The following DYM variants were observed in gnomAD, a reference collection of about 807,000 sequenced individuals.
DYM encodes dyggve-Melchior-Clausen syndrome protein.
DYM carries 78 observed loss-of-function variants against 93.1 expected under a neutral mutation model. The ratio of observed to expected loss-of-function variants is 0.84; its 90% CI spans 0.70 to 1.01. The LOEUF (loss-of-function observed/expected upper bound fraction) is 1.01, where lower values mean the gene tolerates loss of function less well. DYM is among the 50% of genes least tolerant of loss of function. The probability of loss-of-function intolerance (pLI) is 0.00; values close to 1 mark genes in which losing one functional copy is unlikely to be tolerated. For synonymous variants in DYM, 321 were observed against 319.7 expected, an observed-to-expected ratio of 1.00 and a Z score of -0.04; for missense variants, 789 against 845.0, an observed-to-expected ratio of 0.93 and a Z score of 0.82.
At chr18:49,346,646 T>C (rs1315926661) in intron 6 of DYM, among the ~76,000 whole-genome samples, 1 of 152,210 alleles carries the variant, frequency 6.6e-6, no homozygotes, top group African/African-American at 2.4e-5. Context: ...ATTTAAAATA[T>C]ACCTCAATGA....
intron 2 of DYM, among the ~76,000 whole-genome samples, chr18:49,410,433 G>A (rs1294804500): frequency 6.7e-6 from 1 of 150,288 alleles, no homozygotes; most frequent in Non-Finnish European, 1.5e-5. Flanking sequence ...AGGGATTAAG[G>A]TTAAAAAAAA....
At chr18:49,112,801 C>T (rs1008001433) in intron 16 of DYM, among the ~76,000 whole-genome samples, 1 of 152,160 alleles carries the variant, frequency 6.6e-6, no homozygotes, top group African/African-American at 2.4e-5. Context: ...GTTCACTCCA[C>T]CTTCCCAGCC....
chr18:49,448,548 T>TTG (rs2148675137), intron 1 of DYM, among the ~76,000 whole-genome samples: 1 of 152,314 alleles, frequency 6.6e-6, no homozygotes, highest in South Asian at 2.1e-4. Context: ...CTAGCCCCAG[T>TTG]GACTTAGTTC....
At chr18:49,123,701 C>A (rs1355999087) in intron 15 of DYM, among the ~76,000 whole-genome samples, 1 of 152,104 alleles carries the variant, frequency 6.6e-6, no homozygotes, top group Non-Finnish European at 1.5e-5. Flanking sequence ...TTTTATGATT[C>A]ATCTATTATT....
At chr18:49,221,627 A>T (rs1440034598) in intron 13 of DYM, among the ~76,000 whole-genome samples, 1 of 152,216 alleles carries the variant, frequency 6.6e-6, no homozygotes, top group Non-Finnish European at 1.5e-5. Flanking sequence ...GAAACTGGAA[A>T]TCATCATTCT....
At chr18:49,366,294 T>C (rs891344976) in intron 5 of DYM, among the ~76,000 whole-genome samples, 1 of 152,194 alleles carries the variant, frequency 6.6e-6, no homozygotes, top group Non-Finnish European at 1.5e-5. Context: ...AAAATAAATA[T>C]AAACTCACCT....
rs1251050861 is a variant in DYM, at chr18:49,037,952, G to A, written c.*6103C>T. ...TGATTCTCCTGCCTCAGCTTCCCAA[G>A]TAGCTGGGGCTATAGGCACATGCCA... is the stretch of plus-strand genomic sequence containing the variant. On this transcript the variant is annotated 3_prime_UTR_variant, in exon 18 of 18. Transcript: ENST00000675505. 6.6e-6 allele frequency among the ~76,000 whole-genome samples: 1 copy of A among 152,158 alleles called. No homozygotes were observed. The highest frequency in any genetic ancestry group is 1.5e-5 in the Non-Finnish European group (1 of 68,028).
At chr18:49,329,100 A>G (rs983107657) in intron 8 of DYM, among the ~76,000 whole-genome samples, 2 of 152,174 alleles carry the variant, frequency 1.3e-5, no homozygotes, top group African/African-American at 2.4e-5. Flanking sequence ...AATACTCTGC[A>G]GCCATAAAAA....
chr18:49,141,216 G>T (rs1032767299), intron 15 of DYM, among the ~76,000 whole-genome samples: 2 of 152,114 alleles, frequency 1.3e-5, no homozygotes, highest in Non-Finnish European at 2.9e-5. Context: ...TTCCTCTTGA[G>T]TTCCAAGCCA....
intron 17 of DYM, among the ~76,000 whole-genome samples, chr18:49,065,952 A>G (rs916745471): frequency 5.3e-5 from 8 of 151,984 alleles, no homozygotes; most frequent in Admixed American, 3.9e-4. Context: ...TCCCTTTAAC[A>G]TTTCTATCAC....
intron 17 of DYM, among the ~76,000 whole-genome samples, chr18:49,062,322 A>G (rs2144668090): frequency 6.6e-6 from 1 of 152,320 alleles, no homozygotes; most frequent in South Asian, 2.1e-4. Flanking sequence ...ACTGTCACCA[A>G]CGATTAACTT....
intron 2 of DYM, among the ~76,000 whole-genome samples, chr18:49,403,412 TATG>T (rs1212677464): frequency 6.6e-6 from 1 of 152,208 alleles, no homozygotes; most frequent in East Asian, 1.9e-4. Flanking sequence ...CTTACATTTG[TATG>T]ATGTTTTATA....
intron 17 of DYM, among the ~76,000 whole-genome samples, chr18:49,046,539 C>T: frequency 6.7e-6 from 1 of 150,214 alleles, no homozygotes; most frequent in East Asian, 1.9e-4. Context: ...ACCAGACACA[C>T]AGACACAACA....
intron 1 of DYM, among the ~76,000 whole-genome samples, chr18:49,450,324 C>A (rs1016868131): frequency 2.6e-5 from 4 of 152,140 alleles, no homozygotes; most frequent in Admixed American, 1.3e-4. Context: ...GGTGAACTTT[C>A]CTATGAGGTT....
intron 14 of DYM, chr18:49,206,019 CG>C (rs1297496705): frequency 2.5e-5 from 1 of 40,052 alleles, no homozygotes; most frequent in African/African-American, 6.6e-5. Flanking sequence ...TTGTTTTTTG[CG>C]GAGTCTTGCT....
chr18:49,200,916 T>G (rs2091936334), intron 14 of DYM, among the ~76,000 whole-genome samples: 1 of 152,310 alleles, frequency 6.6e-6, no homozygotes, highest in South Asian at 2.1e-4. Context: ...ACATTGTTAT[T>G]AACAATAATC....
intron 11 of DYM, among the ~76,000 whole-genome samples, chr18:49,259,597 G>A (rs1043523704): frequency 1.3e-5 from 2 of 152,042 alleles, no homozygotes; most frequent in African/African-American, 4.8e-5. Flanking sequence ...AAAGATAACT[G>A]GAAATAATAA....
At chr18:49,052,217 A>G (rs578015901) in intron 17 of DYM, among the ~76,000 whole-genome samples, 31 of 152,336 alleles carry the variant, frequency 2.0e-4, no homozygotes, top group African/African-American at 7.2e-4. Flanking sequence ...GGCATAAATC[A>G]TAAAAGAATT....
chr18:49,063,720 G>A (rs781216801), intron 17 of DYM, among the ~76,000 whole-genome samples: 38 of 150,810 alleles, frequency 2.5e-4, no homozygotes, highest in Admixed American at 1.5e-3. Flanking sequence ...TCCGCTTCCT[G>A]GGTTGAAGCG....
Sources: gnomAD v4.1 joint callset for allele counts (sites outside exome capture counted in the v4.1 genomes callset) on GRCh38, gnomAD v4.1.1 for gene constraint, MANE v1.5 for transcripts, NCBI Gene and HGNC (gene_info 2026-07-23, HGNC 2026-07-21) for gene names.